Variants in RUNX2 observed in about 807,000 individuals in gnomAD.
RUNX2 encodes the protein RUNX family transcription factor 2.
Under a neutral mutation model 51.7 loss-of-function variants are expected in RUNX2, and 10 were observed. That is an observed-to-expected ratio of 0.19 (90% CI 0.12 to 0.33). The LOEUF (loss-of-function observed/expected upper bound fraction) is 0.33. RUNX2 is among the 10% of genes least tolerant of loss of function. The pLI is 1.00. For synonymous variants in RUNX2, 276 were observed against 273.6 expected (o/e 1.01, Z -0.09); for missense variants, 562 against 691.3 (o/e 0.81, Z 2.10).
chr6:45,490,306 T>C (rs1422383024), intron 5 of RUNX2, among the ~76,000 whole-genome samples: 1 of 152,226 alleles, frequency 6.6e-6, no homozygotes, highest in Non-Finnish European at 1.5e-5. Flanking sequence ...TAATTTTTCC[T>C]GTTCATTTTT....
intron 2 of RUNX2, among the ~76,000 whole-genome samples, chr6:45,333,234 A>C (rs1581658257): frequency 6.6e-6 from 1 of 151,680 alleles, no homozygotes; most frequent in Admixed American, 6.6e-5. Flanking sequence ...ATGTGTTACG[A>C]TTCAAAAAAT....
intron 2 of RUNX2, among the ~76,000 whole-genome samples, chr6:45,385,960 A>T (rs1306467558): frequency 6.6e-6 from 1 of 151,200 alleles, no homozygotes; most frequent in Non-Finnish European, 1.5e-5. Flanking sequence ...GCTCTTCCTC[A>T]CCCACAAATT....
intron 6 of RUNX2, among the ~76,000 whole-genome samples, chr6:45,493,588 G>C (rs2150408556): frequency 6.6e-6 from 1 of 151,984 alleles, no homozygotes; most frequent in Non-Finnish European, 1.5e-5. Flanking sequence ...TAAAAGCCCA[G>C]ACTTCACCTC....
Position 45,551,066 on chromosome 6 carries a change from C to CT in RUNX2, c.*3767dup. ...TTGAATTTAATTTTCAATAAAATGG[C>CT]TTTTTTGGTTTTGTTATGTGTGTAC... On this transcript the variant is annotated 3_prime_UTR_variant, in exon 9 of 9. Transcript: ENST00000647337. 6.6e-6 allele frequency: 1 copy of CT among 152,456 alleles called. No homozygotes were observed. The allele number at this position is 152,456 out of a possible 1,614,324, so 9.4% of individuals were successfully genotyped here.
intron 2 of RUNX2, among the ~76,000 whole-genome samples, chr6:45,364,523 G>C (rs1794802675): frequency 6.7e-6 from 1 of 149,748 alleles, no homozygotes; most frequent in South Asian, 2.1e-4. Flanking sequence ...ATTGTCTCCT[G>C]AACCAATATA....
intron 2 of RUNX2, among the ~76,000 whole-genome samples, chr6:45,391,130 G>A (rs1797460114): frequency 6.6e-6 from 1 of 152,178 alleles, no homozygotes; most frequent in South Asian, 2.1e-4. Context: ...AAGATTCTAT[G>A]TGATATGGTT....
chr6:45,442,797 G>A (rs557027757), intron 5 of RUNX2, among the ~76,000 whole-genome samples: 1 of 152,242 alleles, frequency 6.6e-6, no homozygotes, highest in South Asian at 2.1e-4. Context: ...ATAGTGGCTG[G>A]TGCTGGAACA....
At chr6:45,496,127 G>A (rs1800637918) in intron 6 of RUNX2, among the ~76,000 whole-genome samples, 1 of 152,050 alleles carries the variant, frequency 6.6e-6, no homozygotes, top group African/African-American at 2.4e-5. Context: ...TTCAGAAAGC[G>A]GCGATAGCAA....
chr6:45,506,991 T>A (rs1056061464), intron 6 of RUNX2, among the ~76,000 whole-genome samples: 9 of 151,826 alleles, frequency 5.9e-5, no homozygotes, highest in Non-Finnish European at 1.3e-4. Flanking sequence ...TTGGAAACTT[T>A]CTGTGACATA....
chr6:45,365,938 T>C (rs1468793094), intron 2 of RUNX2, among the ~76,000 whole-genome samples: 1 of 152,104 alleles, frequency 6.6e-6, no homozygotes, highest in Admixed American at 6.6e-5. Context: ...TGTGACATTT[T>C]TCCCAATAAA....
At chr6:45,369,554 C>T (rs1363480816) in intron 2 of RUNX2, among the ~76,000 whole-genome samples, 1 of 152,074 alleles carries the variant, frequency 6.6e-6, no homozygotes, top group East Asian at 1.9e-4. Flanking sequence ...TTTAGTCATT[C>T]CCTCCACTCT....
intron 2 of RUNX2, among the ~76,000 whole-genome samples, chr6:45,344,130 T>C (rs1387456800): frequency 6.6e-6 from 1 of 152,218 alleles, no homozygotes; most frequent in African/African-American, 2.4e-5. Context: ...TAAAAGTTGA[T>C]ATGAAGTGGA....
At chr6:45,546,056 T>C (rs750678615) in intron 8 of RUNX2, among the ~76,000 whole-genome samples, 21 of 152,124 alleles carry the variant, frequency 1.4e-4, no homozygotes, top group Non-Finnish European at 2.1e-4. Flanking sequence ...GCAGCGAGCC[T>C]CTCGCAAAAG....
intron 5 of RUNX2, among the ~76,000 whole-genome samples, chr6:45,484,607 G>T (rs551380827): frequency 6.6e-6 from 1 of 152,158 alleles, no homozygotes. Context: ...AGAACTTTGC[G>T]TGGCTTTCCT....
At chr6:45,437,707 T>C (rs993496712) in intron 4 of RUNX2, among the ~76,000 whole-genome samples, 1 of 152,180 alleles carries the variant, frequency 6.6e-6, no homozygotes, top group African/African-American at 2.4e-5. Flanking sequence ...TTTTTTGGAA[T>C]TGGAGTCTTC....
At chr6:45,532,586 TGAA>T (rs1414700181) in intron 7 of RUNX2, among the ~76,000 whole-genome samples, 1 of 152,166 alleles carries the variant, frequency 6.6e-6, no homozygotes, top group Non-Finnish European at 1.5e-5. Flanking sequence ...CATTGTGACC[TGAA>T]GAAGAAGAAA....
At chr6:45,491,680 C>G (rs973147458) in intron 5 of RUNX2, among the ~76,000 whole-genome samples, 6 of 143,620 alleles carry the variant, frequency 4.2e-5, no homozygotes, top group African/African-American at 1.3e-4. Context: ...TAGTATCCTG[C>G]CTCTCTATTG....
chr6:45,533,845 G>A (rs150049797), intron 7 of RUNX2, among the ~76,000 whole-genome samples: 7 of 149,680 alleles, frequency 4.7e-5, no homozygotes, highest in African/African-American at 1.7e-4. Context: ...AATGTGCCCT[G>A]TGCCCTGTTT....
intron 5 of RUNX2, among the ~76,000 whole-genome samples, chr6:45,458,976 G>A (rs1404751016): frequency 1.3e-5 from 2 of 152,172 alleles, no homozygotes; most frequent in Non-Finnish European, 2.9e-5. Context: ...GTAACCTGAA[G>A]CTTTGAGCCA....
Sources: allele counts gnomAD v4.1 joint callset (sites outside exome capture counted in the v4.1 genomes callset), GRCh38; gene constraint gnomAD v4.1.1; transcripts MANE v1.5; gene names NCBI Gene and HGNC (gene_info 2026-07-23, HGNC 2026-07-21).